Variants in KIF3C observed in about 807,000 individuals in gnomAD.
KIF3C encodes the protein kinesin-like protein KIF3C.
In KIF3C, 12 loss-of-function variants were observed where a neutral mutation model predicts 67.7. That is an observed-to-expected ratio of 0.18 (90% CI 0.11 to 0.29). The LOEUF (loss-of-function observed/expected upper bound fraction) is 0.29. Ranked by LOEUF, KIF3C falls within the 10% of genes least tolerant of loss-of-function variation. The pLI is 1.00. For missense variants in KIF3C, 789 were observed against 1,059.6 expected (o/e 0.74, Z 3.55); for synonymous variants, 393 against 426.2 (o/e 0.92, Z 0.96).
chr2:25,945,772 A>G (rs551789985), intron 5 of KIF3C, among the ~76,000 whole-genome samples: 9 of 151,686 alleles, frequency 5.9e-5, no homozygotes, highest in Admixed American at 4.6e-4. Flanking sequence ...CTCAACAACA[A>G]CAGCAAAATA....
chr2:25,961,799 C>T (rs530806266), intron 1 of KIF3C, among the ~76,000 whole-genome samples: 1 of 152,138 alleles, frequency 6.6e-6, no homozygotes, highest in African/African-American at 2.4e-5. Flanking sequence ...AGAAGGGAGG[C>T]TTAGGCCGGG....
chr2:25,940,172 C>G (rs1478198251), intron 5 of KIF3C, among the ~76,000 whole-genome samples: 1 of 152,160 alleles, frequency 6.6e-6, no homozygotes, highest in South Asian at 2.1e-4. Flanking sequence ...AGGCACAGGC[C>G]TGGAACCTTA....
intron 1 of KIF3C, among the ~76,000 whole-genome samples, chr2:25,957,443 G>A (rs2149235070): frequency 6.6e-6 from 1 of 152,246 alleles, no homozygotes; most frequent in East Asian, 1.9e-4. Flanking sequence ...TGGTTTGGGG[G>A]GGTGCCCGAT....
chr2:25,941,146 C>G lies in KIF3C; in HGVS notation c.2006+10643G>C, dbSNP rs541337815. ...CCCCCGTCTCTACTAAAAATGAAAGCAAATTAGCTGGGTATGGTGGTCCAT... is the reference window on the plus strand; with the variant it reads ...CCCCCGTCTCTACTAAAAATGAAAGGAAATTAGCTGGGTATGGTGGTCCAT... On this transcript the variant is annotated intron_variant, in intron 5 of 7. Transcript: ENST00000264712. Among the ~76,000 whole-genome samples, 3 of 151,470 alleles carry G rather than the reference C, an allele frequency of 2.0e-5. No homozygotes were observed. The South Asian group carries it at 6.3e-4, about 32-fold the overall frequency.
chr2:25,946,810 C>A (rs1434210169), intron 5 of KIF3C, among the ~76,000 whole-genome samples: 2 of 149,852 alleles, frequency 1.3e-5, no homozygotes, highest in Non-Finnish European at 3.0e-5. Context: ...GCCGAGATCG[C>A]GCCACTGCAC....
chr2:25,969,075 T>C (rs1664214017), intron 1 of KIF3C, among the ~76,000 whole-genome samples: 1 of 152,108 alleles, frequency 6.6e-6, no homozygotes, highest in Non-Finnish European at 1.5e-5. Flanking sequence ...CTGCCTGCTT[T>C]GGCCTCCCAA....
intron 4 of KIF3C, among the ~76,000 whole-genome samples, chr2:25,953,328 ACATT>A (rs1449422699): frequency 6.6e-6 from 1 of 151,962 alleles, no homozygotes; most frequent in African/African-American, 2.4e-5. Flanking sequence ...CTATATACAC[ACATT>A]TTTTAAAATA....
chr2:25,938,212 A>C (rs1190896598), intron 5 of KIF3C: 1 of 424,978 alleles, frequency 2.4e-6, no homozygotes, highest in African/African-American at 2.1e-5. Flanking sequence ...AAAATACAAA[A>C]ATTAGCTGAG....
chr2:25,933,256 G>A (rs2090476939), intron 5 of KIF3C, among the ~76,000 whole-genome samples: 2 of 148,052 alleles, frequency 1.4e-5, no homozygotes, highest in African/African-American at 2.5e-5. Flanking sequence ...GCAAGACTCC[G>A]TTTCAAAAAA....
At chr2:25,960,892 C>T (rs938610552) in intron 1 of KIF3C, among the ~76,000 whole-genome samples, 3 of 152,230 alleles carry the variant, frequency 2.0e-5, no homozygotes, top group East Asian at 1.9e-4. Flanking sequence ...GCTGAGATTG[C>T]GCCAATGCAC....
intron 5 of KIF3C, among the ~76,000 whole-genome samples, chr2:25,935,417 A>G (rs1663071181): frequency 6.6e-6 from 1 of 151,728 alleles, no homozygotes; most frequent in African/African-American, 2.4e-5. Flanking sequence ...CCCAAGCTGG[A>G]GTGTGATGGC....
chr2:25,940,308 C>T (rs1194667572), intron 5 of KIF3C, among the ~76,000 whole-genome samples: 2 of 152,092 alleles, frequency 1.3e-5, no homozygotes, highest in African/African-American at 2.4e-5. Context: ...TGGTGGCTCA[C>T]GCCTGTAATC....
At position 25,981,729 on chromosome 2, in the gene KIF3C, C is replaced by G. The variant is rs767218706; in HGVS notation, c.189G>C (p.Val63=). The G allele has an allele frequency of 1.2e-6, 2 of 1,613,578 alleles. No individual in the cohort carries two copies. Among genetic ancestry groups the G allele is most frequent in the Admixed American group, 1.7e-5 (1 of 59,992 alleles). ...ELPKTFTFDA[V]YDASSKQADL... Reference sequence around the variant, plus strand: ...CGGCCTGCTTGGAGCTGGCATCATACACGGCGTCAAAGGTGAAGGTCTTGG... The same window carrying G: ...CGGCCTGCTTGGAGCTGGCATCATAGACGGCGTCAAAGGTGAAGGTCTTGG... Residue 63 remains valine, a synonymous_variant, in exon 1 of 8, where the codon GTG becomes GTC. Coordinates refer to ENST00000264712, the MANE Select transcript of KIF3C (RefSeq NM_002254.8). This position sits in a 1 kb window ranked among gnomAD's most constrained non-coding sequence, Gnocchi z 8.2.
At chr2:25,971,990 A>G (rs1451911850) in intron 1 of KIF3C, among the ~76,000 whole-genome samples, 2 of 146,998 alleles carry the variant, frequency 1.4e-5, no homozygotes, top group African/African-American at 5.0e-5. Flanking sequence ...CCCTCCCAAT[A>G]TACTGGGATT....
intron 5 of KIF3C, among the ~76,000 whole-genome samples, chr2:25,946,094 C>T (rs1663425343): frequency 6.6e-6 from 1 of 151,914 alleles, no homozygotes; most frequent in Non-Finnish European, 1.5e-5. Context: ...GTCTGGGTGA[C>T]ATAGCGAGAT....
At chr2:25,962,833 TAA>T (rs1205796565) in intron 1 of KIF3C, among the ~76,000 whole-genome samples, 1,229 of 67,164 alleles carry the variant, frequency 0.018, 47 homozygotes, top group Non-Finnish European at 0.022. Flanking sequence ...ATAAAATATA[TAA>T]AATATATAAT....
chr2:25,945,564 CAAAAAAAAAAA>C (rs10581291), intron 5 of KIF3C, among the ~76,000 whole-genome samples: 6 of 67,374 alleles, frequency 8.9e-5, no homozygotes, highest in Middle Eastern at 9.1e-3. Flanking sequence ...GAGAATATCT[CAAAAAAAAAAA>C]AAAAAAAAAA....
intron 1 of KIF3C, among the ~76,000 whole-genome samples, chr2:25,973,536 AGAGT>A (rs112281533): frequency 7.3e-5 from 10 of 137,598 alleles, no homozygotes; most frequent in African/African-American, 2.8e-4. Flanking sequence ...CCTGGGCAAC[AGAGT>A]GAGACTCTGT....
Position 25,943,864 on chromosome 2 carries a change from T to TA in KIF3C, c.2006+7924dup, listed in dbSNP as rs1404218370. Among the ~76,000 whole-genome samples, 1,370 of 141,396 alleles carry TA rather than the reference T, an allele frequency of 9.7e-3. 16 individuals carry two copies. The highest frequency in any genetic ancestry group is 0.027 in the African/African-American group (1,030 of 38,666). The allele number at this position is 141,396 out of a possible 152,430, so 92.8% of individuals were successfully genotyped here. A position where few individuals can be genotyped will look rare whatever the true frequency, so the allele number is the denominator to read the frequency against. On this transcript the variant is annotated intron_variant, in intron 5 of 7. Transcript: ENST00000264712. ...TGGGCAACAACAGCAAAATTCTATC[T>TA]AAAAAAAAAAAAAATCCTAGAACCA...
Sources: gnomAD v4.1 joint callset for allele counts (sites outside exome capture counted in the v4.1 genomes callset) on GRCh38, gnomAD v4.1.1 for gene constraint, Gnocchi (gnomAD v3.1) non-coding constraint, MANE v1.5 for transcripts, NCBI Gene and HGNC (gene_info 2026-07-23, HGNC 2026-07-21) for gene names.